The following OPCML variants were observed in gnomAD, a reference collection of about 807,000 sequenced individuals.
OPCML encodes the protein opioid-binding protein/cell adhesion molecule.
In OPCML, 13 loss-of-function variants were observed where a neutral mutation model predicts 37.8. The observed-to-expected ratio is 0.34, with a 90% confidence interval of 0.22 to 0.55. The LOEUF (loss-of-function observed/expected upper bound fraction) is 0.55, where lower values mean the gene tolerates loss of function less well. Among genes scored for constraint, OPCML ranks in the 20% least tolerant of loss-of-function variants. The pLI, the probability that OPCML is intolerant of heterozygous loss-of-function variation, is 0.91. For missense variants in OPCML, 341 were observed against 435.6 expected (o/e 0.78, Z 1.93); for synonymous variants, 176 against 168.8 (o/e 1.04, Z -0.33).
intron 2 of OPCML, among the ~76,000 whole-genome samples, chr11:132,743,261 G>C (rs948284495): frequency 1.3e-5 from 2 of 152,058 alleles, no homozygotes; most frequent in Non-Finnish European, 2.9e-5. Flanking sequence ...ACAGAAAATG[G>C]TAAATACTTG....
At chr11:133,277,532 C>A (rs1942027536) in intron 1 of OPCML, among the ~76,000 whole-genome samples, 1 of 152,134 alleles carries the variant, frequency 6.6e-6, no homozygotes, top group Admixed American at 6.5e-5. Context: ...TGCTGTTGGG[C>A]CATCTGAGCC....
At chr11:133,461,100 A>C (rs1946848594) in intron 1 of OPCML, among the ~76,000 whole-genome samples, 1 of 151,932 alleles carries the variant, frequency 6.6e-6, no homozygotes. Flanking sequence ...GCCATCTATG[A>C]GAAACCCACA....
At chr11:132,781,880 G>A (rs1006398310) in intron 2 of OPCML, among the ~76,000 whole-genome samples, 7 of 147,782 alleles carry the variant, frequency 4.7e-5, no homozygotes, top group South Asian at 2.1e-4. Flanking sequence ...ATCCAATGAC[G>A]TCTTCTATCA....
At chr11:133,511,707 T>A (rs1167338403) in intron 1 of OPCML, among the ~76,000 whole-genome samples, 1 of 152,172 alleles carries the variant, frequency 6.6e-6, no homozygotes, top group Non-Finnish European at 1.5e-5. Context: ...TGTACTTTTT[T>A]TTTTTGCTTT....
chr11:132,712,340 C>T (rs1337043695), intron 2 of OPCML, among the ~76,000 whole-genome samples: 2 of 151,498 alleles, frequency 1.3e-5, no homozygotes, highest in African/African-American at 2.4e-5. Flanking sequence ...TGGTCTGATG[C>T]GAGCTTGCCC....
At chr11:132,934,544 C>T (rs1019693249) in intron 2 of OPCML, among the ~76,000 whole-genome samples, 1 of 152,138 alleles carries the variant, frequency 6.6e-6, no homozygotes, top group African/African-American at 2.4e-5. Context: ...AAAGTAGGGC[C>T]CAGGCATTCT....
At chr11:132,531,856 A>G (rs1255884166) in intron 3 of OPCML, among the ~76,000 whole-genome samples, 1 of 152,044 alleles carries the variant, frequency 6.6e-6, no homozygotes, top group Non-Finnish European at 1.5e-5. Context: ...ACTCGAGTGC[A>G]ACTTCCAAAA....
chr11:132,468,268 A>C (rs1037128714), intron 4 of OPCML, among the ~76,000 whole-genome samples: 22 of 152,128 alleles, frequency 1.4e-4, no homozygotes, highest in African/African-American at 4.6e-4. Flanking sequence ...GCCAAAGTAC[A>C]CCTCTCCTTC....
chr11:132,787,346 C>T lies in OPCML; in HGVS notation c.147-130027G>A, dbSNP rs371384422. On this transcript the variant is annotated intron_variant, in intron 2 of 7. Transcript: ENST00000524381. ...CGAAACAAAAATGTGTACCTAGTTA[C>T]GGAATGAAGGTATTACAGAATTTGT... Among the ~76,000 whole-genome samples the T allele has an allele frequency of 1.1e-4, 17 of 152,158 alleles. No homozygotes were observed. In the South Asian group the frequency reaches 1.4e-3, roughly 13 times the overall value.
intron 1 of OPCML, among the ~76,000 whole-genome samples, chr11:133,353,598 C>A (rs957508334): frequency 2.6e-4 from 39 of 152,284 alleles, no homozygotes; most frequent in African/African-American, 9.1e-4. Context: ...CTGTTCAAAG[C>A]CTCTGGTCCC....
rs76727743 is a variant in OPCML at position 133,231,688 on chromosome 11, G to T, written c.62-288678C>A. Among the ~76,000 whole-genome samples the T allele has an allele frequency of 7.3e-4, 111 of 152,254 alleles. 1 individual carries two copies. The highest frequency in any genetic ancestry group is 1.4e-3 in the Non-Finnish European group (93 of 68,028). Reference sequence around the variant, plus strand: ...AGACTTGCAGCTCTTCACCAGCTCTGTGACCTTGGGCAGTATGCATAACCT... The same window carrying T: ...AGACTTGCAGCTCTTCACCAGCTCTTTGACCTTGGGCAGTATGCATAACCT... On this transcript the variant is annotated intron_variant, in intron 1 of 7. Coordinates refer to ENST00000524381, the MANE Select transcript of OPCML (RefSeq NM_001012393.5).
intron 3 of OPCML, among the ~76,000 whole-genome samples, chr11:132,610,082 T>C (rs1051418907): frequency 1.3e-5 from 2 of 152,226 alleles, no homozygotes; most frequent in African/African-American, 4.8e-5. Flanking sequence ...CAGCTCTGTG[T>C]AAATCAAGCA....
At chr11:132,736,288 C>G (rs1037133950) in intron 2 of OPCML, among the ~76,000 whole-genome samples, 6 of 152,196 alleles carry the variant, frequency 3.9e-5, no homozygotes, top group Non-Finnish European at 7.3e-5. Context: ...AGGAAGCACA[C>G]TGAAGGACCA....
chr11:132,761,911 C>T (rs1357750574), intron 2 of OPCML, among the ~76,000 whole-genome samples: 1 of 152,052 alleles, frequency 6.6e-6, no homozygotes, highest in African/African-American at 2.4e-5. Context: ...GAATATTCAG[C>T]CTTTTTGCAC....
intron 2 of OPCML, among the ~76,000 whole-genome samples, chr11:132,804,553 T>C (rs922771675): frequency 6.6e-6 from 1 of 152,184 alleles, no homozygotes; most frequent in African/African-American, 2.4e-5. Context: ...CTGGAGATTT[T>C]GAAATTTAGG....
intron 1 of OPCML, among the ~76,000 whole-genome samples, chr11:133,149,761 C>A (rs148232669): frequency 7.9e-5 from 12 of 152,356 alleles, no homozygotes; most frequent in African/African-American, 2.9e-4. Flanking sequence ...CCACCCTGGG[C>A]ACATCCCATC....
intron 1 of OPCML, among the ~76,000 whole-genome samples, chr11:133,282,450 G>A (rs886278658): frequency 2.6e-5 from 4 of 152,224 alleles, no homozygotes; most frequent in African/African-American, 9.6e-5. Context: ...AAGGAAGCCT[G>A]GCAGCTTCCT....
chr11:132,549,490 G>C (rs369488008), intron 3 of OPCML, among the ~76,000 whole-genome samples: 153 of 152,254 alleles, frequency 1.0e-3, no homozygotes, highest in African/African-American at 3.6e-3. Flanking sequence ...CTTTACATTC[G>C]TAATACACTT....
At chr11:133,057,563 G>A (rs1948263385) in intron 1 of OPCML, among the ~76,000 whole-genome samples, 1 of 152,164 alleles carries the variant, frequency 6.6e-6, no homozygotes, top group Non-Finnish European at 1.5e-5. Context: ...CAGAGTTTGA[G>A]GTCCTATCAC....
Sources: gnomAD v4.1 joint callset for allele counts (sites outside exome capture counted in the v4.1 genomes callset) on GRCh38, gnomAD v4.1.1 for gene constraint, MANE v1.5 for transcripts, NCBI Gene and HGNC (gene_info 2026-07-23, HGNC 2026-07-21) for gene names.